NKAIN2: variants seen among roughly 807,000 people sequenced by gnomAD.
NKAIN2 encodes sodium/potassium-transporting ATPase subunit beta-1-interacting protein 2.
Under a neutral mutation model 32.6 loss-of-function variants are expected in NKAIN2, and 14 were observed. That is an observed-to-expected ratio of 0.43 (90% CI 0.28 to 0.67). NKAIN2 has a LOEUF of 0.67. Among genes scored for constraint, NKAIN2 ranks in the 30% least tolerant of loss-of-function variants. NKAIN2 has a pLI of 0.17. For synonymous variants in NKAIN2, 80 were observed against 87.2 expected, an observed-to-expected ratio of 0.92 and a Z score of 0.46; for missense variants, 198 against 258.3, an observed-to-expected ratio of 0.77 and a Z score of 1.60.
At chr6:124,704,491 G>T (rs1245661885) in intron 4 of NKAIN2, among the ~76,000 whole-genome samples, 1 of 151,852 alleles carries the variant, frequency 6.6e-6, no homozygotes, top group Non-Finnish European at 1.5e-5. Flanking sequence ...AGGCTAACTT[G>T]TTCCAAATAA....
chr6:123,942,424 A>T (rs1003665887), intron 1 of NKAIN2, among the ~76,000 whole-genome samples: 10 of 151,988 alleles, frequency 6.6e-5, no homozygotes, highest in Admixed American at 3.3e-4. Flanking sequence ...TTTTTAAAAA[A>T]TTGTCCCTGG....
chr6:124,473,692 G>C (rs1451842853), intron 3 of NKAIN2, among the ~76,000 whole-genome samples: 1 of 152,226 alleles, frequency 6.6e-6, no homozygotes, highest in Middle Eastern at 3.4e-3. Context: ...TAAGGAATTA[G>C]ATGGCTCTTC....
intron 1 of NKAIN2, among the ~76,000 whole-genome samples, chr6:123,848,470 C>T (rs1775184729): frequency 6.6e-6 from 1 of 152,120 alleles, no homozygotes; most frequent in South Asian, 2.1e-4. Context: ...AGTGAGTTCT[C>T]ACAAGATCTG....
chr6:124,024,983 C>CAAA (rs60803472), intron 1 of NKAIN2, among the ~76,000 whole-genome samples: 10,287 of 141,992 alleles, frequency 0.072, 1,211 homozygotes, highest in African/African-American at 0.25. Context: ...GATTCCGTCT[C>CAAA]AAAAAAAAAA....
intron 1 of NKAIN2, among the ~76,000 whole-genome samples, chr6:124,168,295 A>C (rs1318506281): frequency 6.6e-6 from 1 of 152,166 alleles, no homozygotes; most frequent in Non-Finnish European, 1.5e-5. Context: ...AGATACCATC[A>C]GAATGATCAT....
intron 1 of NKAIN2, among the ~76,000 whole-genome samples, chr6:123,912,539 A>G (rs1775268049): frequency 6.6e-6 from 1 of 152,194 alleles, no homozygotes; most frequent in Non-Finnish European, 1.5e-5. Flanking sequence ...ATGACACTGT[A>G]TTGACCTTTG....
At chr6:123,883,468 G>GTTGT (rs34468977) in intron 1 of NKAIN2, among the ~76,000 whole-genome samples, 3 of 151,444 alleles carry the variant, frequency 2.0e-5, no homozygotes, top group African/African-American at 7.3e-5. Context: ...GTGAGATCTT[G>GTTGT]TTTTTTAAAA....
intron 3 of NKAIN2, among the ~76,000 whole-genome samples, chr6:124,596,624 T>G (rs1373284799): frequency 6.6e-6 from 1 of 151,856 alleles, no homozygotes; most frequent in African/African-American, 2.4e-5. Flanking sequence ...ATCTGTATTA[T>G]TCAGGATTCT....
chr6:123,903,456 A>G lies in NKAIN2; in HGVS notation c.54+99202A>G, dbSNP rs559586890. On this transcript the variant is annotated intron_variant, in intron 1 of 6. Coordinates refer to ENST00000368417, the MANE Select transcript of NKAIN2 (RefSeq NM_001040214.3). The stretch of plus-strand genomic sequence containing the variant: ...TTTATGGTATGCTTTATAATATTCA[A>G]CATCAAAGGTTAGCACAGCCTTTTG... Among the ~76,000 whole-genome samples the G allele has an allele frequency of 3.2e-4, 49 of 152,324 alleles. No homozygotes were observed. In the East Asian group the frequency reaches 9.3e-3, roughly 29 times the overall value.
At chr6:123,997,473 G>C (rs1303491189) in intron 1 of NKAIN2, among the ~76,000 whole-genome samples, 5 of 151,996 alleles carry the variant, frequency 3.3e-5, no homozygotes, top group Admixed American at 6.6e-5. Flanking sequence ...TTATCAACCA[G>C]CAACACTTAG....
intron 3 of NKAIN2, among the ~76,000 whole-genome samples, chr6:124,374,233 T>A (rs1436268668): frequency 6.6e-6 from 1 of 152,062 alleles, no homozygotes; most frequent in Non-Finnish European, 1.5e-5. Context: ...GGAAACTCTT[T>A]TAATTGCTTC....
chr6:124,731,939 C>T (rs1045230696), intron 4 of NKAIN2, among the ~76,000 whole-genome samples: 1 of 151,954 alleles, frequency 6.6e-6, no homozygotes, highest in Non-Finnish European at 1.5e-5. Flanking sequence ...AAAATGAACA[C>T]ATAGTAAGTG....
At chr6:123,833,973 G>T (rs560134976) in intron 1 of NKAIN2, among the ~76,000 whole-genome samples, 1 of 151,618 alleles carries the variant, frequency 6.6e-6, no homozygotes, top group Non-Finnish European at 1.5e-5. Context: ...TGATCCACCC[G>T]CCTCAGCCTC....
intron 1 of NKAIN2, among the ~76,000 whole-genome samples, chr6:124,035,052 A>G (rs953882392): frequency 2.6e-5 from 4 of 152,094 alleles, no homozygotes; most frequent in Admixed American, 6.6e-5. Flanking sequence ...CTACAAGTAC[A>G]AGAAAAAATG....
intron 3 of NKAIN2, among the ~76,000 whole-genome samples, chr6:124,494,165 T>C (rs989989066): frequency 1.3e-5 from 2 of 152,082 alleles, no homozygotes; most frequent in African/African-American, 4.8e-5. Flanking sequence ...CTTAGGTGTC[T>C]TTCTTCCCTA....
intron 4 of NKAIN2, among the ~76,000 whole-genome samples, chr6:124,731,461 A>T (rs1360140521): frequency 1.4e-5 from 2 of 147,990 alleles, no homozygotes; most frequent in African/African-American, 5.0e-5. Context: ...TCGCAAGAAC[A>T]AAAAACCAAA....
chr6:123,935,380 T>C (rs536036411), intron 1 of NKAIN2, among the ~76,000 whole-genome samples: 113 of 151,612 alleles, frequency 7.5e-4, no homozygotes, highest in Non-Finnish European at 1.3e-3. Flanking sequence ...TAGAAAGTAA[T>C]GTGTTTCTCC....
intron 1 of NKAIN2, among the ~76,000 whole-genome samples, chr6:124,067,071 T>C (rs781731228): frequency 6.6e-6 from 1 of 152,132 alleles, no homozygotes; most frequent in Non-Finnish European, 1.5e-5. Flanking sequence ...GAGCATCACA[T>C]GGTAGGTTTC....
chr6:124,275,299 G>T (rs1373531760), intron 1 of NKAIN2, among the ~76,000 whole-genome samples: 1 of 151,864 alleles, frequency 6.6e-6, no homozygotes, highest in Non-Finnish European at 1.5e-5. Context: ...TAAACTTACT[G>T]ATTTAACTTC....
Sources: gnomAD v4.1 joint callset for allele counts (sites outside exome capture counted in the v4.1 genomes callset) on GRCh38, gnomAD v4.1.1 for gene constraint, MANE v1.5 for transcripts, NCBI Gene and HGNC (gene_info 2026-07-23, HGNC 2026-07-21) for gene names.